The following TRPM3 variants were observed in gnomAD, a reference collection of about 807,000 sequenced individuals.
The protein encoded by TRPM3 is long transient receptor potential channel 3.
TRPM3 carries 77 observed loss-of-function variants against 181.2 expected under a neutral mutation model. That is an observed-to-expected ratio of 0.42 (90% CI 0.35 to 0.51). The LOEUF is 0.51. TRPM3 is among the 20% of genes least tolerant of loss of function. The pLI is 0.01. For missense variants in TRPM3, 1,759 were observed against 2,196.7 expected, an observed-to-expected ratio of 0.80 and a Z score of 3.98; for synonymous variants, 745 against 796.4, an observed-to-expected ratio of 0.94 and a Z score of 1.09.
At chr9:70,840,982 T>C (rs1277718666) in intron 5 of TRPM3, among the ~76,000 whole-genome samples, 1 of 152,208 alleles carries the variant, frequency 6.6e-6, no homozygotes, top group Non-Finnish European at 1.5e-5. Flanking sequence ...CCTGAAGCTA[T>C]GAACATTTCA....
intron 1 of TRPM3, among the ~76,000 whole-genome samples, chr9:71,132,404 T>C (rs1423138310): frequency 1.3e-5 from 2 of 152,196 alleles, no homozygotes; most frequent in Non-Finnish European, 2.9e-5. Flanking sequence ...CAAAATTATG[T>C]ATGAAATTTT....
At chr9:70,887,551 T>C (rs1056180176) in intron 1 of TRPM3, among the ~76,000 whole-genome samples, 1 of 152,224 alleles carries the variant, frequency 6.6e-6, no homozygotes, top group Non-Finnish European at 1.5e-5. Context: ...TATGTAGTAC[T>C]TCAGGAGAGT....
chr9:70,888,640 T>A (rs1269321647), intron 1 of TRPM3, among the ~76,000 whole-genome samples: 2 of 152,160 alleles, frequency 1.3e-5, no homozygotes, highest in African/African-American at 4.8e-5. Context: ...AATGGTTGTA[T>A]CATATCCTCT....
chr9:71,195,400 T>C (rs1173772985), intron 1 of TRPM3, among the ~76,000 whole-genome samples: 3 of 151,622 alleles, frequency 2.0e-5, no homozygotes, highest in Non-Finnish European at 4.4e-5. Context: ...AAGCTCAATA[T>C]CACTGTAAGA....
At chr9:71,274,621 G>A (rs1477175213) in intron 1 of TRPM3, among the ~76,000 whole-genome samples, 4 of 152,208 alleles carry the variant, frequency 2.6e-5, no homozygotes, top group Admixed American at 2.6e-4. Context: ...TGCACACAGA[G>A]AAAGCCAGCA....
chr9:71,036,816 T>C (rs1043198164), intron 1 of TRPM3, among the ~76,000 whole-genome samples: 1 of 152,184 alleles, frequency 6.6e-6, no homozygotes, highest in African/African-American at 2.4e-5. Flanking sequence ...GGATGTCAAC[T>C]AGGTGGTTCA....
intron 1 of TRPM3, among the ~76,000 whole-genome samples, chr9:71,115,827 G>A (rs1355042189): frequency 1.3e-5 from 2 of 152,154 alleles, no homozygotes; most frequent in East Asian, 1.9e-4. Flanking sequence ...AGGGTTTCTT[G>A]TTGCCTCAGG....
At chr9:71,443,028 G>A (rs1347688307) in intron 1 of TRPM3, among the ~76,000 whole-genome samples, 1 of 152,104 alleles carries the variant, frequency 6.6e-6, no homozygotes, top group African/African-American at 2.4e-5. Context: ...TTTGATATCT[G>A]AATTTCAAAT....
intron 1 of TRPM3, among the ~76,000 whole-genome samples, chr9:70,896,198 CTGT>C (rs1226488966): frequency 6.6e-6 from 1 of 152,080 alleles, no homozygotes; most frequent in South Asian, 2.1e-4. Flanking sequence ...TTGGTGCAGG[CTGT>C]TGTTATTTAT....
At chr9:70,795,325 A>G (rs1320959753) in intron 6 of TRPM3, among the ~76,000 whole-genome samples, 3 of 152,228 alleles carry the variant, frequency 2.0e-5, no homozygotes, top group Non-Finnish European at 4.4e-5. Flanking sequence ...GGCACTTAAG[A>G]GTTTTATGCT....
Position 70,761,511 on chromosome 9 carries a change from G to C in TRPM3, c.1272+90C>G, listed in dbSNP as rs758895767. On this transcript the variant is annotated intron_variant, in intron 8 of 25. Coordinates refer to ENST00000677713, the MANE Select transcript of TRPM3 (RefSeq NM_001366145.2). ...AGCTGTAAGCTCGGCCAGAAAGAGA[G>C]AATGTTGCATGATTTGAGAAAATGT... 3.2e-6 allele frequency: 5 copies of C among 1,584,904 alleles called. 1 individual carries two copies. In the South Asian group the frequency reaches 5.6e-5, roughly 18 times the overall value.
intron 1 of TRPM3, among the ~76,000 whole-genome samples, chr9:71,421,765 A>G (rs1409391145): frequency 1.3e-5 from 2 of 152,048 alleles, no homozygotes; most frequent in Non-Finnish European, 2.9e-5. Flanking sequence ...GAGTGCTGTT[A>G]GCAATTGTCA....
Position 71,308,537 on chromosome 9 carries a change from T to C in TRPM3, c.183+138116A>G, listed in dbSNP as rs2087603671. On this transcript the variant is annotated intron_variant, in intron 1 of 24. Coordinates refer to the TRPM3 transcript ENST00000357533. ...ATTAAAATACCTATTCTAAAGATAGTATTTAACACTCTTAAAGAACCTAAT... is the reference window on the plus strand; with the variant it reads ...ATTAAAATACCTATTCTAAAGATAGCATTTAACACTCTTAAAGAACCTAAT... 2.6e-5 allele frequency among the ~76,000 whole-genome samples: 4 copies of C among 152,310 alleles called. No homozygotes were observed. In the South Asian group the frequency reaches 8.3e-4, roughly 32 times the overall value.
intron 1 of TRPM3, among the ~76,000 whole-genome samples, chr9:71,187,929 AGATAGATAGATAGATAGATAGATC>A (rs571324976): frequency 0.078 from 8,231 of 105,656 alleles, 270 homozygotes; most frequent in East Asian, 0.12. Flanking sequence ...ATAGATAGAT[AGATAGATAGATAGATAGATAGATC>A]ATCGCATTTT....
At chr9:70,809,753 C>T (rs1375828156) in intron 6 of TRPM3, among the ~76,000 whole-genome samples, 2 of 152,204 alleles carry the variant, frequency 1.3e-5, no homozygotes, top group Admixed American at 1.3e-4. Context: ...GGAATCTTTG[C>T]TTCCTTTTCA....
chr9:70,756,616 A>T (rs2077131485), intron 8 of TRPM3, among the ~76,000 whole-genome samples: 1 of 152,174 alleles, frequency 6.6e-6, no homozygotes. Context: ...CAGGAAACTC[A>T]AAAGAACGGA....
chr9:70,785,263 C>T (rs530312944), intron 6 of TRPM3, among the ~76,000 whole-genome samples: 28 of 152,272 alleles, frequency 1.8e-4, no homozygotes, highest in African/African-American at 6.7e-4. Flanking sequence ...GCTTTAATTG[C>T]TGTATGCATC....
chr9:71,293,494 T>C (rs2085997416), intron 1 of TRPM3, among the ~76,000 whole-genome samples: 1 of 151,782 alleles, frequency 6.6e-6, no homozygotes, highest in South Asian at 2.1e-4. Flanking sequence ...TGGTGGTACC[T>C]AAGAATAAAT....
chr9:71,233,318 A>G (rs1016014545), intron 1 of TRPM3, among the ~76,000 whole-genome samples: 8 of 152,220 alleles, frequency 5.3e-5, no homozygotes, highest in African/African-American at 1.9e-4. Flanking sequence ...TAGCCAACAG[A>G]CAACTCACTT....
Sources: gnomAD v4.1 joint callset for allele counts (sites outside exome capture counted in the v4.1 genomes callset) on GRCh38, gnomAD v4.1.1 for gene constraint, MANE v1.5 for transcripts, NCBI Gene and HGNC (gene_info 2026-07-23, HGNC 2026-07-21) for gene names.